GASK1B: variants seen among roughly 807,000 people sequenced by gnomAD.
GASK1B encodes the protein Golgi-associated kinase 1B.
GASK1B carries 34 observed loss-of-function variants against 42.8 expected under a neutral mutation model. The ratio of observed to expected loss-of-function variants is 0.79; its 90% CI spans 0.60 to 1.06. The LOEUF (loss-of-function observed/expected upper bound fraction) is 1.06. GASK1B is among the 50% of genes least tolerant of loss of function. GASK1B has a pLI of 0.00. For synonymous variants in GASK1B, 262 were observed against 259.1 expected, an observed-to-expected ratio of 1.01 and a Z score of -0.11; for missense variants, 686 against 661.0, an observed-to-expected ratio of 1.04 and a Z score of -0.42.
rs1487597059 is a variant in GASK1B, at chr4:158,171,261, G to T, written c.115C>A (p.Leu39Met). The part of the protein sequence containing the change: ...SRRPRTRRNL[L>M]LGTACAIYLG... ...TAGATGGCACACGCAGTGCCCAGCA[G>T]AAGGTTTCTCCGGGTCCTTGGACGC... The change falls in exon 2 of 5, where the codon CTG becomes ATG. Residue 39 changes from leucine (L) to methionine (M), a missense_variant. By Grantham distance (15) the Leu-to-Met change is conservative. Transcript: ENST00000585682. The T allele has an allele frequency of 6.2e-7, 1 of 1,613,914 alleles. No homozygotes were observed.
At chr4:158,163,444 C>T (rs1281543074) in intron 2 of GASK1B, among the ~76,000 whole-genome samples, 1 of 151,998 alleles carries the variant, frequency 6.6e-6, no homozygotes, top group Non-Finnish European at 1.5e-5. Flanking sequence ...TGACAGGCAC[C>T]TGTAATCCCA....
intron 2 of GASK1B, among the ~76,000 whole-genome samples, chr4:158,161,164 A>C (rs1195040220): frequency 1.3e-5 from 2 of 152,152 alleles, no homozygotes; most frequent in African/African-American, 2.4e-5. Flanking sequence ...AATTAGTTAA[A>C]ATTTAAATTT....
At chr4:158,155,489 C>T in intron 3 of GASK1B, 122 bp downstream of exon 3, 1 of 849,248 alleles carries the variant, frequency 1.2e-6, no homozygotes, top group South Asian at 1.8e-5. Flanking sequence ...ACTTTTGCAC[C>T]AAGCTAATAG....
intron 2 of GASK1B, among the ~76,000 whole-genome samples, chr4:158,167,645 A>G (rs1732278678): frequency 6.6e-6 from 1 of 152,202 alleles, no homozygotes; most frequent in Admixed American, 6.5e-5. Context: ...AATTCTAAAG[A>G]AAACAGGAAG....
At chr4:158,159,032 T>C (rs183872857) in intron 2 of GASK1B, among the ~76,000 whole-genome samples, 1 of 152,230 alleles carries the variant, frequency 6.6e-6, no homozygotes, top group East Asian at 1.9e-4. Context: ...TCTATACTAA[T>C]CATTAAAAAG....
At chr4:158,141,589 G>GTAT (rs1163059711) in intron 3 of GASK1B, among the ~76,000 whole-genome samples, 2 of 130,692 alleles carry the variant, frequency 1.5e-5, no homozygotes, top group African/African-American at 5.6e-5. Flanking sequence ...CAGTGCCTTT[G>GTAT]TATTTACCTT....
intron 3 of GASK1B, among the ~76,000 whole-genome samples, chr4:158,150,040 C>T (rs1035344002): frequency 7.3e-5 from 11 of 151,204 alleles, no homozygotes; most frequent in South Asian, 2.1e-4. Context: ...ATTCTCCTGC[C>T]TCAGCCTCCC....
chr4:158,171,409 A>G lies in GASK1B; in HGVS notation c.-34T>C. On this transcript the variant is annotated 5_prime_UTR_variant, in exon 2 of 5. Coordinates refer to ENST00000585682, the MANE Select transcript of GASK1B (RefSeq NM_001128424.2). Reference sequence around the variant, plus strand: ...CGCATCCACATGTTGAACGGAGTTTAAAGTCTGCAGTTGGCTCCTGCTAAT... The same window carrying G: ...CGCATCCACATGTTGAACGGAGTTTGAAGTCTGCAGTTGGCTCCTGCTAAT... 6.6e-7 allele frequency: 1 copy of G among 1,520,996 alleles called. No individual in the cohort carries two copies. The highest frequency in any genetic ancestry group is 1.3e-5 in the South Asian group (1 of 76,990). The allele number at this position is 1,520,996 out of a possible 1,614,324, so 94.2% of individuals were successfully genotyped here.
chr4:158,155,128 G>A (rs370944323), intron 3 of GASK1B, among the ~76,000 whole-genome samples: 2 of 152,304 alleles, frequency 1.3e-5, no homozygotes, highest in South Asian at 4.1e-4. Flanking sequence ...AGGCACAGTT[G>A]ACCGGCATTA....
In GASK1B at chr4:158,165,923, G is replaced by A. The variant is rs148913037; in HGVS notation, c.910+4543C>T. On this transcript the variant is annotated intron_variant, in intron 2 of 4. Coordinates refer to ENST00000585682, the MANE Select transcript of GASK1B (RefSeq NM_001128424.2). ...ATAGACAACACACATCAAATACAGT[G>A]TGTATACTATGTGATACATCACACT... Among the ~76,000 whole-genome samples, 53 of 152,248 alleles carry A rather than the reference G, an allele frequency of 3.5e-4. No homozygotes were observed. The East Asian group carries it at 0.01, about 29-fold the overall frequency.
At chr4:158,129,704 C>T (rs187686327) in intron 4 of GASK1B, among the ~76,000 whole-genome samples, 81 of 152,264 alleles carry the variant, frequency 5.3e-4, no homozygotes, top group Admixed American at 5.3e-3. Context: ...GGGTTCTAAC[C>T]TCAATTTGAG....
chr4:158,158,214 A>T (rs566135855), intron 2 of GASK1B, among the ~76,000 whole-genome samples: 1 of 152,154 alleles, frequency 6.6e-6, no homozygotes, highest in African/African-American at 2.4e-5. Context: ...GGAAGAAATG[A>T]GATCGTGCCT....
chr4:158,127,646 T>C, intron 4 of GASK1B, 32 bp from the exon 5 acceptor site: 1 of 1,585,130 alleles, frequency 6.3e-7, no homozygotes, highest in Non-Finnish European at 8.6e-7. Context: ...TCAATCTTAG[T>C]AATTGCTTGG....
rs143205141 is a variant in GASK1B, at chr4:158,165,191, T to C, written c.910+5275A>G. Reference sequence around the variant, plus strand: ...GTCCCTCGAGATTCATTCACACTACTGTGCAGACTACAGGGGAAGCTCTGG... The same window carrying C: ...GTCCCTCGAGATTCATTCACACTACCGTGCAGACTACAGGGGAAGCTCTGG... On this transcript the variant is annotated intron_variant, in intron 2 of 4. Coordinates refer to ENST00000585682, the MANE Select transcript of GASK1B (RefSeq NM_001128424.2). 4.2e-3 allele frequency among the ~76,000 whole-genome samples: 643 copies of C among 152,350 alleles called. 3 individuals carry two copies. Among genetic ancestry groups the C allele is most frequent in the African/African-American group, 0.015 (625 of 41,574 alleles).
intron 2 of GASK1B, among the ~76,000 whole-genome samples, chr4:158,158,104 T>C (rs992106050): frequency 6.6e-6 from 1 of 152,124 alleles, no homozygotes; most frequent in Admixed American, 6.6e-5. Flanking sequence ...ACATTATGTC[T>C]TCATTTTGTA....
At chr4:158,142,014 G>C (rs1190850235) in intron 3 of GASK1B, among the ~76,000 whole-genome samples, 8 of 118,512 alleles carry the variant, frequency 6.8e-5, no homozygotes, top group Admixed American at 2.1e-4. Context: ...GCGCAATCTC[G>C]GCTCACTGCA....
In GASK1B at chr4:158,137,735, C is replaced by G. The variant is rs1003556541; in HGVS notation, c.1126-6723G>C. 3.3e-5 allele frequency among the ~76,000 whole-genome samples: 5 copies of G among 152,098 alleles called. 2 individuals are homozygous for G. The highest frequency in any genetic ancestry group is 3.3e-4 in the Admixed American group (5 of 15,270). On this transcript the variant is annotated intron_variant, in intron 3 of 4. Transcript: ENST00000585682. ...ACAGTATTCCCCCCTGCTCCACCCCCGCCAGCATCTGTATCACCTGCGAAC... is the reference window on the plus strand; with the variant it reads ...ACAGTATTCCCCCCTGCTCCACCCCGGCCAGCATCTGTATCACCTGCGAAC...
At chr4:158,144,300 G>A (rs939104550) in intron 3 of GASK1B, among the ~76,000 whole-genome samples, 1 of 152,268 alleles carries the variant, frequency 6.6e-6, no homozygotes, top group Admixed American at 6.5e-5. Context: ...TTATTAAGTA[G>A]TATCATTAAT....
intron 2 of GASK1B, among the ~76,000 whole-genome samples, chr4:158,156,502 G>T (rs1454600903): frequency 6.6e-6 from 1 of 152,128 alleles, no homozygotes; most frequent in Non-Finnish European, 1.5e-5. Context: ...GTTCATAGAT[G>T]ATCTTTTTTA....
Sources: gnomAD v4.1 joint callset for allele counts (sites outside exome capture counted in the v4.1 genomes callset) on GRCh38, gnomAD v4.1.1 for gene constraint, MANE v1.5 for transcripts, NCBI Gene and HGNC (gene_info 2026-07-23, HGNC 2026-07-21) for gene names.